Variants in TMEM132B observed in about 807,000 individuals in gnomAD.
The protein encoded by TMEM132B is transmembrane protein 132B.
A neutral mutation model predicts 90.8 loss-of-function variants in TMEM132B; 18 were observed. The observed-to-expected ratio is 0.20, with a 90% CI of 0.14 to 0.29. The LOEUF (loss-of-function observed/expected upper bound fraction) is 0.29. TMEM132B is among the 10% of genes least tolerant of loss of function. TMEM132B has a pLI of 1.00. For missense variants in TMEM132B, 1,096 were observed against 1,326.8 expected, an observed-to-expected ratio of 0.83 and a Z score of 2.70; for synonymous variants, 504 against 523.3, an observed-to-expected ratio of 0.96 and a Z score of 0.50.
At chr12:125,559,676 A>C (rs575560656) in intron 4 of TMEM132B, among the ~76,000 whole-genome samples, 1 of 152,154 alleles carries the variant, frequency 6.6e-6, no homozygotes, top group Admixed American at 6.5e-5. Flanking sequence ...GTGGCTCTGG[A>C]AGCTGAGTCC....
intron 5 of TMEM132B, among the ~76,000 whole-genome samples, chr12:125,608,315 T>G (rs73416399): frequency 0.037 from 5,636 of 152,264 alleles, 327 homozygotes; most frequent in African/African-American, 0.12. Flanking sequence ...TAATTTTGAC[T>G]TGTATTTCTC....
At chr12:125,212,996 G>A (rs1253297523) in intron 1 of TMEM132B, among the ~76,000 whole-genome samples, 2 of 152,050 alleles carry the variant, frequency 1.3e-5, no homozygotes, top group Non-Finnish European at 2.9e-5. Context: ...TACATTTATA[G>A]TGTTGCACAA....
intron 5 of TMEM132B, among the ~76,000 whole-genome samples, chr12:125,625,110 T>C (rs1055237766): frequency 6.6e-6 from 1 of 151,526 alleles, no homozygotes; most frequent in Non-Finnish European, 1.5e-5. Flanking sequence ...ATGTAATATG[T>C]AGTCTTTTGG....
Position 125,430,744 on chromosome 12 carries a change from A to G in TMEM132B, c.1106+15067A>G, listed in dbSNP as rs187142935. On this transcript the variant is annotated intron_variant, in intron 3 of 8. Coordinates refer to ENST00000682704, the MANE Select transcript of TMEM132B (RefSeq NM_001366854.1). ...TGGGAAATCAGCTGGAAACAAAACC[A>G]GTGAGTCGGTCCTGGCTCTCCTGGA... Among the ~76,000 whole-genome samples, 4 of 152,376 alleles carry G rather than the reference A, an allele frequency of 2.6e-5. No individual in the cohort carries two copies. In the East Asian group the frequency reaches 7.7e-4, roughly 29 times the overall value.
chr12:125,519,394 A>T (rs4765259), intron 3 of TMEM132B, 45 bp from the exon 4 acceptor site: 200,383 of 1,529,568 alleles, frequency 0.13, 15,835 homozygotes, highest in Admixed American at 0.37. Flanking sequence ...CATTTTGCTG[A>T]GTCTGAGGTT....
At chr12:125,365,230 T>C (rs536833806) in intron 2 of TMEM132B, among the ~76,000 whole-genome samples, 1 of 152,146 alleles carries the variant, frequency 6.6e-6, no homozygotes, top group South Asian at 2.1e-4. Context: ...TTTTTAGTAG[T>C]TGCTTCAGAA....
intron 5 of TMEM132B, chr12:125,587,020 G>T (rs1002230573): frequency 6.6e-6 from 1 of 152,148 alleles, no homozygotes; most frequent in African/African-American, 2.4e-5. Flanking sequence ...TCATTAAGAT[G>T]TGAAAAGACA....
intron 3 of TMEM132B, among the ~76,000 whole-genome samples, chr12:125,425,959 T>A (rs1299818950): frequency 6.6e-6 from 1 of 152,234 alleles, no homozygotes; most frequent in Non-Finnish European, 1.5e-5. Flanking sequence ...TTTGGATAAG[T>A]GCCAAGGAGC....
chr12:125,244,469 C>T (rs1206288219), intron 1 of TMEM132B, among the ~76,000 whole-genome samples: 1 of 152,236 alleles, frequency 6.6e-6, no homozygotes, highest in Non-Finnish European at 1.5e-5. Context: ...CCTGGGGACC[C>T]AGGGCCCAGA....
chr12:125,352,978 G>A (rs988725174), intron 2 of TMEM132B, among the ~76,000 whole-genome samples: 4 of 152,224 alleles, frequency 2.6e-5, no homozygotes, highest in African/African-American at 9.6e-5. Context: ...ACTGGAAGGG[G>A]TGGGGTGGTC....
chr12:125,465,284 G>T (rs1881534795), intron 3 of TMEM132B, among the ~76,000 whole-genome samples: 1 of 152,158 alleles, frequency 6.6e-6, no homozygotes, highest in South Asian at 2.1e-4. Flanking sequence ...GCTGTAATTT[G>T]CCTATTATTT....
intron 1 of TMEM132B, among the ~76,000 whole-genome samples, chr12:125,329,732 G>A (rs1482955714): frequency 3.3e-5 from 5 of 152,180 alleles, no homozygotes; most frequent in Non-Finnish European, 7.3e-5. Flanking sequence ...GCCTTTTAAA[G>A]TGTTCCCCCA....
Position 125,384,654 on chromosome 12 carries a change from C to T in TMEM132B, c.960-30877C>T, listed in dbSNP as rs190082432. Reference sequence around the variant, plus strand: ...ATTCCTCTAGTCTAACTGAAAGTTTCTTCCTTGTTTTTTTGAGATGGAGTC... The same window carrying T: ...ATTCCTCTAGTCTAACTGAAAGTTTTTTCCTTGTTTTTTTGAGATGGAGTC... On this transcript the variant is annotated intron_variant, in intron 2 of 8. Transcript: ENST00000682704. Among the ~76,000 whole-genome samples the T allele has an allele frequency of 3.2e-3, 493 of 152,210 alleles. 4 individuals carry two copies. Among genetic ancestry groups the T allele is most frequent in the Admixed American group, 7.7e-3 (118 of 15,272 alleles).
intron 1 of TMEM132B, among the ~76,000 whole-genome samples, chr12:125,340,928 C>T (rs1877159911): frequency 6.6e-6 from 1 of 152,172 alleles, no homozygotes; most frequent in African/African-American, 2.4e-5. Flanking sequence ...GATGTCATGC[C>T]CTGCAGGGGC....
At chr12:125,224,267 C>G (rs1380619735) in intron 1 of TMEM132B, among the ~76,000 whole-genome samples, 1 of 152,124 alleles carries the variant, frequency 6.6e-6, no homozygotes, top group East Asian at 1.9e-4. Flanking sequence ...CATTAACATC[C>G]CTGTATGAGT....
intron 7 of TMEM132B, 38 bp downstream of exon 7, chr12:125,650,991 T>C: frequency 6.2e-7 from 1 of 1,606,588 alleles, no homozygotes; most frequent in Non-Finnish European, 8.5e-7. Context: ...GCAGTCTGTG[T>C]TGATGAGTGG....
At chr12:125,501,439 T>A (rs1405253421) in intron 3 of TMEM132B, among the ~76,000 whole-genome samples, 1 of 152,212 alleles carries the variant, frequency 6.6e-6, no homozygotes, top group Non-Finnish European at 1.5e-5. Flanking sequence ...TAGGTAAACA[T>A]GTGCCATGGT....
At chr12:125,628,616 A>T (rs1886288163) in intron 5 of TMEM132B, among the ~76,000 whole-genome samples, 2 of 151,954 alleles carry the variant, frequency 1.3e-5, no homozygotes, top group African/African-American at 2.4e-5. Flanking sequence ...TACTTTGTAG[A>T]TTGTTTCCTT....
intron 1 of TMEM132B, among the ~76,000 whole-genome samples, chr12:125,270,400 C>G (rs956312781): frequency 1.3e-5 from 2 of 152,148 alleles, no homozygotes; most frequent in African/African-American, 4.8e-5. Flanking sequence ...TATCCCATTT[C>G]CTGAACTTAT....
Sources: allele counts gnomAD v4.1 joint callset (sites outside exome capture counted in the v4.1 genomes callset), GRCh38; gene constraint gnomAD v4.1.1; transcripts MANE v1.5; gene names NCBI Gene and HGNC (gene_info 2026-07-23, HGNC 2026-07-21).